AP4S1: variants seen among roughly 807,000 people sequenced by gnomAD.
AP4S1 encodes the protein AP-4 complex subunit sigma-1.
Under a neutral mutation model 19.8 loss-of-function variants are expected in AP4S1, and 23 were observed. The observed-to-expected ratio is 1.16, with a 90% CI of 0.84 to 1.65. AP4S1 has a LOEUF of 1.65. AP4S1 is among the 40% of genes most tolerant of loss of function. The pLI is 0.00. For synonymous variants in AP4S1, 46 were observed against 54.1 expected (o/e 0.85, Z 0.66); for missense variants, 166 against 172.8 (o/e 0.96, Z 0.22).
chr14:31,051,164 G>A (rs1885767496), intron 1 of AP4S1, among the ~76,000 whole-genome samples: 1 of 151,616 alleles, frequency 6.6e-6, no homozygotes, highest in Non-Finnish European at 1.5e-5. Flanking sequence ...GCTGCGACAG[G>A]AAGATCCCTT....
At chr14:31,071,398 A>C (rs555676837) in intron 3 of AP4S1, among the ~76,000 whole-genome samples, 4 of 152,142 alleles carry the variant, frequency 2.6e-5, no homozygotes, top group Non-Finnish European at 5.9e-5. Flanking sequence ...ATCTGGCTAG[A>C]TTCATCATGG....
chr14:31,056,946 C>T (rs1343261957), intron 1 of AP4S1, among the ~76,000 whole-genome samples: 1 of 152,058 alleles, frequency 6.6e-6, no homozygotes, highest in Non-Finnish European at 1.5e-5. Context: ...TGGTGGTGTG[C>T]ACCTGTAGTC....
intron 1 of AP4S1, among the ~76,000 whole-genome samples, chr14:31,041,095 G>A (rs76369150): frequency 1.3e-5 from 2 of 150,486 alleles, no homozygotes; most frequent in African/African-American, 2.4e-5. Context: ...AAAAAAGTAC[G>A]CAAATTAAAT....
At chr14:31,026,130 C>A (rs1566503641) in intron 1 of AP4S1, 1 of 1,497,438 alleles carries the variant, frequency 6.7e-7, no homozygotes. Flanking sequence ...CTGCTGCTGC[C>A]GGGGAGGGGC....
chr14:31,038,749 G>A (rs1884919267), intron 1 of AP4S1, among the ~76,000 whole-genome samples: 1 of 152,110 alleles, frequency 6.6e-6, no homozygotes, highest in Admixed American at 6.5e-5. Context: ...AGCTATGAGG[G>A]GGATTAAATA....
chr14:31,062,329 C>T (rs1886485219), intron 1 of AP4S1, among the ~76,000 whole-genome samples: 1 of 151,806 alleles, frequency 6.6e-6, no homozygotes, highest in Non-Finnish European at 1.5e-5. Flanking sequence ...AAACTCCTGA[C>T]CTCAGGCAGT....
At position 31,025,738 on chromosome 14, in the gene AP4S1, G is replaced by T; in HGVS notation, c.-121G>T. 1 of 912,826 alleles carries T rather than the reference G, an allele frequency of 1.1e-6. No homozygotes were observed. Among genetic ancestry groups the T allele is most frequent in the Non-Finnish European group, 1.6e-6 (1 of 625,884 alleles). 56.5% of individuals were successfully genotyped at this position (912,826 alleles called of 1,614,324 possible). On this transcript the variant is annotated 5_prime_UTR_variant, in exon 1 of 6. Coordinates refer to ENST00000542754, the MANE Select transcript of AP4S1 (RefSeq NM_001128126.3). ...AAGCTTATGCGGGAAAGAGGGAGGGGGACTCCAGGAAAAGCCGTTGAGAGG... is the reference window on the plus strand; with the variant it reads ...AAGCTTATGCGGGAAAGAGGGAGGGTGACTCCAGGAAAAGCCGTTGAGAGG...
intron 3 of AP4S1, among the ~76,000 whole-genome samples, chr14:31,072,494 G>C (rs780279311): frequency 6.6e-6 from 1 of 151,954 alleles, no homozygotes; most frequent in Admixed American, 6.6e-5. Context: ...CCTCAGTCTC[G>C]CAAGTAGCTG....
intron 1 of AP4S1, chr14:31,026,365 A>C: frequency 6.1e-6 from 2 of 325,968 alleles, no homozygotes; most frequent in Non-Finnish European, 9.6e-6. Flanking sequence ...CGCCATTACA[A>C]TCCCTCCTCC....
rs528887368 is a variant in AP4S1, at chr14:31,073,226, C to G, written c.294+253C>G. ...CCTCTTATAGCAGGGCGCGATGGCT[C>G]ACGCCTGTAATCCCAGCACTTTGGG... On this transcript the variant is annotated intron_variant, in intron 4 of 5. Transcript: ENST00000542754. 12 of 400,514 alleles carry G rather than the reference C, an allele frequency of 3.0e-5. No homozygotes were observed. In the East Asian group the frequency reaches 5.0e-4, roughly 17 times the overall value. The allele number at this position is 400,514 out of a possible 1,614,324, so 24.8% of individuals were successfully genotyped here.
intron 1 of AP4S1, among the ~76,000 whole-genome samples, chr14:31,065,726 T>C (rs1886678442): frequency 6.6e-6 from 1 of 152,198 alleles, no homozygotes; most frequent in African/African-American, 2.4e-5. Context: ...AGTGGCGCAA[T>C]CTCGGCTCAC....
At chr14:31,049,840 G>A (rs192010787) in intron 1 of AP4S1, among the ~76,000 whole-genome samples, 47 of 151,940 alleles carry the variant, frequency 3.1e-4, no homozygotes, top group Admixed American at 6.6e-4. Context: ...GGGCTCAAGC[G>A]ATCTGCCACC....
chr14:31,076,215 T>C (rs1010169468), intron 4 of AP4S1, among the ~76,000 whole-genome samples: 1 of 152,224 alleles, frequency 6.6e-6, no homozygotes, highest in African/African-American at 2.4e-5. Flanking sequence ...GTTTAACATT[T>C]TGATGAACTG....
chr14:31,035,949 C>T (rs1329939213), intron 1 of AP4S1, among the ~76,000 whole-genome samples: 1 of 152,050 alleles, frequency 6.6e-6, no homozygotes, highest in African/African-American at 2.4e-5. Flanking sequence ...CCAGGATGGT[C>T]TCGATATCCT....
At chr14:31,051,734 C>T (rs1194994112) in intron 1 of AP4S1, among the ~76,000 whole-genome samples, 24 of 152,164 alleles carry the variant, frequency 1.6e-4, no homozygotes, top group Admixed American at 1.6e-3. Flanking sequence ...GATCTCAGCA[C>T]ACTGTAACTT....
At chr14:31,051,992 C>T (rs561998796) in intron 1 of AP4S1, among the ~76,000 whole-genome samples, 126 of 152,244 alleles carry the variant, frequency 8.3e-4, no homozygotes, top group African/African-American at 2.8e-3. Context: ...AAGACATGGC[C>T]GGGTGAGATG....
intron 4 of AP4S1, among the ~76,000 whole-genome samples, chr14:31,073,968 A>G (rs1393854029): frequency 6.6e-6 from 1 of 152,060 alleles, no homozygotes; most frequent in Non-Finnish European, 1.5e-5. Flanking sequence ...CTTTCCGAAA[A>G]TCTTTTTAAA....
At chr14:31,033,759 T>G (rs549004306) in intron 1 of AP4S1, among the ~76,000 whole-genome samples, 1 of 152,338 alleles carries the variant, frequency 6.6e-6, no homozygotes, top group African/African-American at 2.4e-5. Context: ...ACCCTTTGGA[T>G]AATATTCTGT....
chr14:31,081,510 C>T (rs951836448), intron 5 of AP4S1, among the ~76,000 whole-genome samples: 2 of 152,056 alleles, frequency 1.3e-5, no homozygotes, highest in Non-Finnish European at 2.9e-5. Context: ...TGGCAGGAGC[C>T]CTCCAGGCTT....
Sources: gnomAD v4.1 joint callset for allele counts (sites outside exome capture counted in the v4.1 genomes callset) on GRCh38, gnomAD v4.1.1 for gene constraint, MANE v1.5 for transcripts, NCBI Gene and HGNC (gene_info 2026-07-23, HGNC 2026-07-21) for gene names.